The following CTNND2 variants were observed in gnomAD, a reference collection of about 807,000 sequenced individuals.
The protein encoded by CTNND2 is catenin delta 2.
A neutral mutation model predicts 144.4 loss-of-function variants in CTNND2; 22 were observed. The ratio of observed to expected loss-of-function variants is 0.15; its 90% confidence interval spans 0.11 to 0.22. The LOEUF is 0.22. Among genes scored for constraint, CTNND2 ranks in the 10% least tolerant of loss-of-function variants. CTNND2 has a pLI of 1.00. For synonymous variants in CTNND2, 751 were observed against 695.6 expected, an observed-to-expected ratio of 1.08 and a Z score of -1.25; for missense variants, 1,353 against 1,618.8, an observed-to-expected ratio of 0.84 and a Z score of 2.82.
chr5:11,077,430 G>A (rs1749064579), intron 16 of CTNND2, among the ~76,000 whole-genome samples: 2 of 152,154 alleles, frequency 1.3e-5, no homozygotes, highest in African/African-American at 4.8e-5. Flanking sequence ...CCAAGAGGAA[G>A]AGACTCCAGG....
At chr5:11,705,843 T>A (rs113567850) in intron 2 of CTNND2, among the ~76,000 whole-genome samples, 3 of 152,176 alleles carry the variant, frequency 2.0e-5, no homozygotes, top group Non-Finnish European at 4.4e-5. Context: ...CAAAAGAATA[T>A]AGCACAGTGA....
Position 11,777,025 on chromosome 5 carries a change from C to G in CTNND2, c.38-44753G>C, listed in dbSNP as rs1174871095. Among the ~76,000 whole-genome samples the G allele has an allele frequency of 7.3e-5, 11 of 150,914 alleles. No homozygotes were observed. The East Asian group carries it at 1.7e-3, about 24-fold the overall frequency. ...GGGTGACTACTTGTTAAAAAATACT[C>G]ATGTTAATTAAGTAATTCTCAATAA... On this transcript the variant is annotated intron_variant, in intron 1 of 21. Coordinates refer to ENST00000304623, the MANE Select transcript of CTNND2 (RefSeq NM_001332.4).
chr5:11,071,411 G>A (rs1038693924), intron 16 of CTNND2, among the ~76,000 whole-genome samples: 2 of 152,250 alleles, frequency 1.3e-5, no homozygotes, highest in South Asian at 4.2e-4. Flanking sequence ...GGTGGCGTCT[G>A]CACCTGTAAT....
Position 11,616,781 on chromosome 5 carries a change from A to C in CTNND2, c.175-51725T>G, listed in dbSNP as rs573303782. ...GCTACCACGCCCGGCTAAGTTTTGT[A>C]TTTTTAGCAGAGACAGCGTTTCGCC... On this transcript the variant is annotated intron_variant, in intron 2 of 21. Transcript: ENST00000304623. Among the ~76,000 whole-genome samples, 7 of 152,072 alleles carry C rather than the reference A, an allele frequency of 4.6e-5. No homozygotes were observed. The South Asian group carries it at 6.2e-4, about 14-fold the overall frequency.
At chr5:11,568,014 C>T (rs1431200035) in intron 2 of CTNND2, among the ~76,000 whole-genome samples, 4 of 152,180 alleles carry the variant, frequency 2.6e-5, no homozygotes, top group Non-Finnish European at 5.9e-5. Flanking sequence ...AGCAGAACAG[C>T]ATGTAGTCTA....
chr5:11,079,291 A>C (rs555690941), intron 16 of CTNND2, among the ~76,000 whole-genome samples: 2 of 152,294 alleles, frequency 1.3e-5, no homozygotes, highest in African/African-American at 4.8e-5. Flanking sequence ...GGGTTGGTCC[A>C]GCTCCCTTCT....
chr5:11,753,404 AAG>A (rs1348875156), intron 1 of CTNND2, among the ~76,000 whole-genome samples: 13 of 151,856 alleles, frequency 8.6e-5, no homozygotes, highest in South Asian at 6.2e-4. Flanking sequence ...ATTTTATTAA[AAG>A]CCTTTCTGTA....
At chr5:11,527,679 A>T (rs1773380834) in intron 3 of CTNND2, among the ~76,000 whole-genome samples, 1 of 152,206 alleles carries the variant, frequency 6.6e-6, no homozygotes, top group African/African-American at 2.4e-5. Context: ...TGGTCATAGC[A>T]TGACACTCCT....
intron 16 of CTNND2, among the ~76,000 whole-genome samples, chr5:11,030,949 C>A (rs1257369043): frequency 6.6e-6 from 1 of 151,762 alleles, no homozygotes. Flanking sequence ...TTGTTTTTGA[C>A]TGTTTTAGGC....
chr5:11,772,423 G>A (rs1022492161), intron 1 of CTNND2, among the ~76,000 whole-genome samples: 1 of 152,074 alleles, frequency 6.6e-6, no homozygotes, highest in Admixed American at 6.6e-5. Flanking sequence ...TTCTAACATG[G>A]GGTCCATAGA....
At chr5:11,552,960 A>G (rs1775894691) in intron 3 of CTNND2, among the ~76,000 whole-genome samples, 1 of 152,212 alleles carries the variant, frequency 6.6e-6, no homozygotes, top group Non-Finnish European at 1.5e-5. Context: ...AGTGGATATG[A>G]TGGAGACACA....
chr5:11,595,671 T>C lies in CTNND2; in HGVS notation c.175-30615A>G, dbSNP rs1450016705. On this transcript the variant is annotated intron_variant, in intron 2 of 21. Coordinates refer to ENST00000304623, the MANE Select transcript of CTNND2 (RefSeq NM_001332.4). ...AATGTATAGTTGACCATCTCGGTAA[T>C]AGTTCAGCTTTAAACCCATTGGCAT... Among the ~76,000 whole-genome samples the C allele has an allele frequency of 2.6e-5, 4 of 152,174 alleles. No individual in the cohort carries two copies. The South Asian group carries it at 6.2e-4, about 24-fold the overall frequency.
chr5:11,583,240 C>G (rs2150132390), intron 2 of CTNND2, among the ~76,000 whole-genome samples: 1 of 152,320 alleles, frequency 6.6e-6, no homozygotes, highest in South Asian at 2.1e-4. Flanking sequence ...CACCATCATC[C>G]TGAGCTCCAT....
chr5:11,787,542 T>C (rs1790900160), intron 1 of CTNND2, among the ~76,000 whole-genome samples: 1 of 152,248 alleles, frequency 6.6e-6, no homozygotes, highest in Non-Finnish European at 1.5e-5. Flanking sequence ...ATTTGTAATG[T>C]TACCTTTTTA....
At chr5:11,244,585 T>G (rs547389929) in intron 9 of CTNND2, among the ~76,000 whole-genome samples, 90 of 152,340 alleles carry the variant, frequency 5.9e-4, no homozygotes, top group Admixed American at 3.9e-3. Flanking sequence ...GCGCCCGGCC[T>G]GTCCTATAAA....
intron 1 of CTNND2, among the ~76,000 whole-genome samples, chr5:11,846,920 T>C (rs1021447034): frequency 1.3e-5 from 2 of 151,684 alleles, no homozygotes; most frequent in Non-Finnish European, 1.5e-5. Flanking sequence ...TTAGAATGGC[T>C]ATTATCAGAA....
chr5:11,213,189 C>A (rs547536838), intron 10 of CTNND2, among the ~76,000 whole-genome samples: 6 of 152,236 alleles, frequency 3.9e-5, no homozygotes, highest in Admixed American at 2.6e-4. Context: ...TGAGCCCCAG[C>A]AAGGTAACTG....
At chr5:11,831,406 T>C (rs1793893003) in intron 1 of CTNND2, among the ~76,000 whole-genome samples, 3 of 152,104 alleles carry the variant, frequency 2.0e-5, no homozygotes, top group Admixed American at 1.3e-4. Flanking sequence ...TGGTGGCTCA[T>C]GCCTGTAATC....
chr5:11,570,318 C>A (rs1777460219), intron 2 of CTNND2, among the ~76,000 whole-genome samples: 1 of 152,188 alleles, frequency 6.6e-6, no homozygotes, highest in South Asian at 2.1e-4. Flanking sequence ...TCCCTCTCTT[C>A]CGTGGATTCC....
Sources: allele counts gnomAD v4.1 joint callset (sites outside exome capture counted in the v4.1 genomes callset), GRCh38; gene constraint gnomAD v4.1.1; transcripts MANE v1.5; gene names NCBI Gene and HGNC (gene_info 2026-07-23, HGNC 2026-07-21).